DLGAP2: variants seen among roughly 807,000 people sequenced by gnomAD.
DLGAP2 encodes DLG associated protein 2, also known as disks large-associated protein 2.
A neutral mutation model predicts 100.3 loss-of-function variants in DLGAP2; 26 were observed. That is an observed-to-expected ratio of 0.26 (90% CI 0.19 to 0.36). DLGAP2 has a LOEUF of 0.36. Ranked by LOEUF, DLGAP2 falls within the 10% of genes least tolerant of loss-of-function variation. The pLI is 1.00. For missense variants in DLGAP2, 1,858 were observed against 1,453.2 expected (o/e 1.28, Z -4.53); for synonymous variants, 886 against 630.1 (o/e 1.41, Z -6.08).
At position 1,514,738 on chromosome 8, in the gene DLGAP2, G is replaced by A. The variant is rs116429676; in HGVS notation, c.172+13307G>A. ...CCACAGTCAGTGAGGATGGGCACAC[G>A]CTGCAGGTGGAGGCCCAAGCTCCTA... On this transcript the variant is annotated intron_variant, in intron 4 of 14. Transcript: ENST00000637795. Among the ~76,000 whole-genome samples the A allele has an allele frequency of 3.7e-3, 564 of 152,312 alleles. 2 individuals are homozygous for A. Among genetic ancestry groups the A allele is most frequent in the African/African-American group, 0.013 (525 of 41,570 alleles).
At chr8:1,504,902 T>C (rs1330857329) in intron 4 of DLGAP2, among the ~76,000 whole-genome samples, 1 of 152,168 alleles carries the variant, frequency 6.6e-6, no homozygotes, top group African/African-American at 2.4e-5. Flanking sequence ...GAAGTGGGAT[T>C]CCTGGATTAT....
intron 5 of DLGAP2, among the ~76,000 whole-genome samples, chr8:1,558,538 C>T (rs1563220396): frequency 1.3e-5 from 2 of 152,078 alleles, no homozygotes; most frequent in African/African-American, 2.4e-5. Flanking sequence ...TATACCTGCA[C>T]ACATACACAT....
chr8:1,309,019 A>G (rs1800554048), intron 3 of DLGAP2, among the ~76,000 whole-genome samples: 1 of 152,190 alleles, frequency 6.6e-6, no homozygotes, highest in Non-Finnish European at 1.5e-5. Flanking sequence ...GAAAGTGTCT[A>G]CAGTTAAATA....
At chr8:1,079,709 A>G (rs1309549241) in intron 2 of DLGAP2, among the ~76,000 whole-genome samples, 2 of 152,198 alleles carry the variant, frequency 1.3e-5, no homozygotes, top group East Asian at 3.8e-4. Flanking sequence ...CGAGGTTATA[A>G]TCCAGTTGGG....
chr8:1,539,213 C>G (rs1286150697), intron 4 of DLGAP2, among the ~76,000 whole-genome samples: 2 of 152,146 alleles, frequency 1.3e-5, no homozygotes, highest in Non-Finnish European at 2.9e-5. Flanking sequence ...CGTTTGTTTT[C>G]ATAACTAACA....
At chr8:903,119 C>T in intron 1 of DLGAP2, among the ~76,000 whole-genome samples, 1 of 152,032 alleles carries the variant, frequency 6.6e-6, no homozygotes, top group Middle Eastern at 3.4e-3. Context: ...GTCAGAGTCC[C>T]TATGAGTTAT....
intron 3 of DLGAP2, among the ~76,000 whole-genome samples, chr8:1,497,333 G>T (rs978098539): frequency 4.6e-5 from 7 of 152,200 alleles, no homozygotes; most frequent in Admixed American, 1.3e-4. Context: ...TCCCTGGGAG[G>T]TATTCAGTTT....
chr8:1,281,358 C>T (rs1799810028), intron 3 of DLGAP2, among the ~76,000 whole-genome samples: 1 of 152,178 alleles, frequency 6.6e-6, no homozygotes, highest in Non-Finnish European at 1.5e-5. Context: ...TGGTGGCTTT[C>T]CCTGTCATCA....
rs1432243420 is a variant in DLGAP2 at position 737,649 on chromosome 8, C to G, written c.-159C>G. 4.5e-5 allele frequency: 16 copies of G among 353,176 alleles called. No individual in the cohort carries two copies. The Admixed American group carries it at 7.1e-4, about 16-fold the overall frequency. The allele number at this position is 353,176 out of a possible 1,614,324, so 21.9% of individuals were successfully genotyped here. On this transcript the variant is annotated 5_prime_UTR_variant, in exon 1 of 15. Coordinates refer to ENST00000637795, the MANE Select transcript of DLGAP2 (RefSeq NM_001346810.2). ...GTGAAGACCGACCGTGCGCCGGGCT[C>G]GAGCGCGGTCTGAGCGCGCGGCGCC...
At chr8:1,514,196 A>T (rs900329873) in intron 4 of DLGAP2, among the ~76,000 whole-genome samples, 2 of 152,256 alleles carry the variant, frequency 1.3e-5, no homozygotes, top group African/African-American at 2.4e-5. Flanking sequence ...GGAATTGTAC[A>T]TAATTAGAGA....
At position 1,657,533 on chromosome 8, in the gene DLGAP2, C is replaced by G. The variant is rs970474949; in HGVS notation, c.1811-10796C>G. On this transcript the variant is annotated intron_variant, in intron 8 of 14. Coordinates refer to ENST00000637795, the MANE Select transcript of DLGAP2 (RefSeq NM_001346810.2). ...CAGCAAATTAATGTGGTCAAATGAT[C>G]ATTTTGAATTCTTTCTTTACTATTG... Among the ~76,000 whole-genome samples, 4 of 152,304 alleles carry G rather than the reference C, an allele frequency of 2.6e-5. No homozygotes were observed. In the East Asian group the frequency reaches 7.7e-4, roughly 29 times the overall value.
intron 3 of DLGAP2, among the ~76,000 whole-genome samples, chr8:1,316,877 G>T (rs573929018): frequency 7.4e-6 from 1 of 135,262 alleles, no homozygotes; most frequent in Non-Finnish European, 1.5e-5. Context: ...CGAGAAACTC[G>T]GCAGCTTTTA....
chr8:1,240,280 GTTACATGGCGCCGTGTCTAGTTCTC>G (rs1798758200), intron 2 of DLGAP2, among the ~76,000 whole-genome samples: 1 of 38,086 alleles, frequency 2.6e-5, no homozygotes, highest in African/African-American at 6.8e-5. Context: ...GTCTAGTTCT[GTTACATGGCGCCGTGTCTAGTTCTC>G]TCACATGGTG....
intron 2 of DLGAP2, among the ~76,000 whole-genome samples, chr8:1,145,358 A>G (rs995596837): frequency 3.9e-5 from 6 of 152,080 alleles, no homozygotes; most frequent in African/African-American, 9.7e-5. Flanking sequence ...ACCCTGGAGC[A>G]TGGGCTTGTT....
chr8:1,056,738 G>A (rs956483829), intron 2 of DLGAP2, among the ~76,000 whole-genome samples: 5 of 152,208 alleles, frequency 3.3e-5, no homozygotes, highest in Admixed American at 2.0e-4. Flanking sequence ...CCAGATCATC[G>A]CTCCAGAAGT....
At chr8:1,590,063 G>C (rs531905078) in intron 6 of DLGAP2, among the ~76,000 whole-genome samples, 1 of 152,192 alleles carries the variant, frequency 6.6e-6, no homozygotes, top group African/African-American at 2.4e-5. Flanking sequence ...TTCCGCCTCA[G>C]TGTCCGTGGC....
chr8:1,561,140 C>A (rs530316346), intron 5 of DLGAP2, among the ~76,000 whole-genome samples: 3 of 152,174 alleles, frequency 2.0e-5, no homozygotes, highest in Non-Finnish European at 4.4e-5. Context: ...TGCACACACT[C>A]TCTTGCCTGC....
chr8:1,303,553 G>A (rs1800416938), intron 3 of DLGAP2, among the ~76,000 whole-genome samples: 1 of 152,092 alleles, frequency 6.6e-6, no homozygotes. Flanking sequence ...TATCCATTAG[G>A]TTTAATGCGT....
chr8:1,606,582 C>A (rs951430313), intron 6 of DLGAP2, among the ~76,000 whole-genome samples: 6 of 152,192 alleles, frequency 3.9e-5, no homozygotes, highest in Non-Finnish European at 8.8e-5. Context: ...GAAGCATATT[C>A]CATTGTATGG....
Sources: allele counts gnomAD v4.1 joint callset (sites outside exome capture counted in the v4.1 genomes callset), GRCh38; gene constraint gnomAD v4.1.1; transcripts MANE v1.5; gene names NCBI Gene and HGNC (gene_info 2026-07-23, HGNC 2026-07-21).